The following RAD51B variants were observed in gnomAD, a reference collection of about 807,000 sequenced individuals.
RAD51B encodes the protein DNA repair protein RAD51 homolog 2.
Under a neutral mutation model 42.2 loss-of-function variants are expected in RAD51B, and 38 were observed. That is an observed-to-expected ratio of 0.90 (90% confidence interval 0.70 to 1.18). RAD51B has a LOEUF of 1.18. Among genes scored for constraint, RAD51B ranks in the 50% most tolerant of loss-of-function variants. The probability of loss-of-function intolerance (pLI) is 0.00; values close to 1 mark genes in which losing one functional copy is unlikely to be tolerated. For missense variants in RAD51B, 373 were observed against 400.7 expected (o/e 0.93, Z 0.59); for synonymous variants, 154 against 145.2 (o/e 1.06, Z -0.43).
intron 8 of RAD51B, among the ~76,000 whole-genome samples, chr14:68,398,480 G>C (rs2083991641): frequency 6.6e-6 from 1 of 152,164 alleles, no homozygotes; most frequent in Admixed American, 6.5e-5. Context: ...GCAAGACTGA[G>C]GAGGGGCCTT....
chr14:68,239,649 C>G (rs1289049527), intron 7 of RAD51B, among the ~76,000 whole-genome samples: 5 of 152,140 alleles, frequency 3.3e-5, no homozygotes, highest in Non-Finnish European at 7.3e-5. Flanking sequence ...TCAGCCCAGC[C>G]CTGTGGTACT....
In RAD51B at chr14:68,141,427, A is replaced by G. The variant is rs150470467; in HGVS notation, c.757-150457A>G. Reference sequence around the variant, plus strand: ...AATTGCTGCTTTTTCTCTGCATGGGAAAGAATATACTACTAAAGCAAAATG... The same window carrying G: ...AATTGCTGCTTTTTCTCTGCATGGGGAAGAATATACTACTAAAGCAAAATG... On this transcript the variant is annotated intron_variant, in intron 7 of 10. Coordinates refer to ENST00000471583, the MANE Select transcript of RAD51B (RefSeq NM_133510.4). 2.6e-3 allele frequency among the ~76,000 whole-genome samples: 389 copies of G among 152,312 alleles called. 2 individuals carry two copies. The highest frequency in any genetic ancestry group is 9.0e-3 in the African/African-American group (376 of 41,572).
intron 7 of RAD51B, among the ~76,000 whole-genome samples, chr14:68,082,501 G>A (rs922029564): frequency 6.6e-6 from 1 of 151,720 alleles, no homozygotes; most frequent in East Asian, 1.9e-4. Context: ...ATTTATGTAT[G>A]TATGTATGTA....
chr14:68,133,154 G>A (rs568570871), intron 7 of RAD51B, among the ~76,000 whole-genome samples: 1 of 152,316 alleles, frequency 6.6e-6, no homozygotes, highest in Non-Finnish European at 1.5e-5. Context: ...TCTTATGTTG[G>A]TGGGAATTTG....
chr14:68,384,021 G>A (rs1357778413), intron 8 of RAD51B, among the ~76,000 whole-genome samples: 1 of 152,188 alleles, frequency 6.6e-6, no homozygotes, highest in Non-Finnish European at 1.5e-5. Flanking sequence ...GCAAGTGGGA[G>A]TACACTTTCC....
At chr14:68,110,306 T>C (rs2077440654) in intron 7 of RAD51B, among the ~76,000 whole-genome samples, 1 of 151,832 alleles carries the variant, frequency 6.6e-6, no homozygotes, top group Admixed American at 6.6e-5. Flanking sequence ...GAGGATGAAG[T>C]GGTTATCTGT....
intron 5 of RAD51B, 47 bp downstream of exon 5, chr14:67,865,186 T>C (rs199794545): frequency 1.5e-5 from 22 of 1,496,362 alleles, no homozygotes; most frequent in African/African-American, 1.1e-4. Flanking sequence ...TTGTAACTTA[T>C]ATACAGCATG....
rs558905273 is a variant in RAD51B at position 67,823,698 on chromosome 14, A to C, written c.84+71A>C. The C allele has an allele frequency of 1.9e-4, 212 of 1,131,172 alleles. 4 individuals are homozygous for C. In the South Asian group the frequency reaches 3.2e-3, roughly 17 times the overall value. 70.1% of individuals were successfully genotyped at this position (1,131,172 alleles called of 1,614,324 possible). A position where few individuals can be genotyped will look rare whatever the true frequency, so the allele number is the denominator to read the frequency against. On this transcript the variant is annotated intron_variant, in intron 2 of 10. Transcript: ENST00000471583. ...TAACTTTATACCTTAATACCTCTTA[A>C]ACTTGAAATATGAAAATGTAGGCTT...
At chr14:68,191,208 C>G (rs1023040479) in intron 7 of RAD51B, among the ~76,000 whole-genome samples, 2 of 152,146 alleles carry the variant, frequency 1.3e-5, no homozygotes, top group South Asian at 2.1e-4. Context: ...CTTGGAAACC[C>G]AACTTCTGTT....
intron 10 of RAD51B, among the ~76,000 whole-genome samples, chr14:68,469,636 A>C (rs1046798074): frequency 6.6e-6 from 1 of 152,240 alleles, no homozygotes; most frequent in African/African-American, 2.4e-5. Flanking sequence ...CGGGTGTATA[A>C]CTAATAAGCA....
intron 10 of RAD51B, among the ~76,000 whole-genome samples, chr14:68,506,482 A>G (rs1022889713): frequency 6.6e-6 from 1 of 152,242 alleles, no homozygotes; most frequent in African/African-American, 2.4e-5. Context: ...AAACAGACCC[A>G]GGCCTGTCAC....
In RAD51B at chr14:68,119,386, T is replaced by C. The variant is rs1170098888; in HGVS notation, c.757-172498T>C. 2.7e-5 allele frequency among the ~76,000 whole-genome samples: 4 copies of C among 150,892 alleles called. No individual in the cohort carries two copies. In the East Asian group the frequency reaches 7.8e-4, roughly 29 times the overall value. On this transcript the variant is annotated intron_variant, in intron 7 of 10. Coordinates refer to ENST00000471583, the MANE Select transcript of RAD51B (RefSeq NM_133510.4). ...ACAATGTGCAGGTTAGTTACATATG[T>C]ATACATGTGCCATGCTGGTGTGCTG...
chr14:68,042,092 C>G (rs1566599902), intron 7 of RAD51B, among the ~76,000 whole-genome samples: 1 of 152,168 alleles, frequency 6.6e-6, no homozygotes, highest in African/African-American at 2.4e-5. Context: ...CATGAGTATA[C>G]TGTCTGTGTG....
intron 9 of RAD51B, among the ~76,000 whole-genome samples, chr14:68,456,944 A>G (rs1052329276): frequency 7.5e-5 from 8 of 106,690 alleles, no homozygotes; most frequent in African/African-American, 2.9e-4. Flanking sequence ...ACAGAGTCTC[A>G]CTCTGTCACC....
intron 8 of RAD51B, among the ~76,000 whole-genome samples, chr14:68,305,293 T>G (rs1008794447): frequency 1.3e-5 from 2 of 152,212 alleles, no homozygotes; most frequent in East Asian, 3.9e-4. Context: ...GCATCTATAA[T>G]GTGAAATGCT....
intron 8 of RAD51B, among the ~76,000 whole-genome samples, chr14:68,326,209 G>A (rs11626195): frequency 0.53 from 79,501 of 151,024 alleles, 22,634 homozygotes; most frequent in South Asian, 0.65. Flanking sequence ...CCCGGCTAAT[G>A]TTGTATTTTT....
At chr14:68,614,741 A>C (rs1193966993), downstream of RAD51B, among the ~76,000 whole-genome samples, 1 of 152,172 alleles carries the variant, frequency 6.6e-6, no homozygotes. Flanking sequence ...GATAAACCAC[A>C]TTTTGTTTAT....
chr14:68,283,446 C>G (rs1480036655), intron 7 of RAD51B, among the ~76,000 whole-genome samples: 3 of 152,366 alleles, frequency 2.0e-5, no homozygotes, highest in South Asian at 2.1e-4. Flanking sequence ...TTGTTCTCTT[C>G]CAGGTTCTAG....
chr14:68,503,302 G>A (rs977552601), intron 10 of RAD51B, among the ~76,000 whole-genome samples: 2 of 152,158 alleles, frequency 1.3e-5, no homozygotes, highest in African/African-American at 4.8e-5. Flanking sequence ...AAATTGACAT[G>A]AGAACATTTC....
Sources: gnomAD v4.1 joint callset for allele counts (sites outside exome capture counted in the v4.1 genomes callset) on GRCh38, gnomAD v4.1.1 for gene constraint, MANE v1.5 for transcripts, NCBI Gene and HGNC (gene_info 2026-07-23, HGNC 2026-07-21) for gene names.